RFC5: variants seen among roughly 807,000 people sequenced by gnomAD.
RFC5 encodes the protein A1 36 kDa subunit.
In RFC5, 26 loss-of-function variants were observed where a neutral mutation model predicts 44.3. The ratio of observed to expected loss-of-function variants is 0.59; its 90% CI spans 0.43 to 0.81. The LOEUF (loss-of-function observed/expected upper bound fraction) is 0.81, where lower values mean the gene tolerates loss of function less well. Among genes scored for constraint, RFC5 ranks in the 40% least tolerant of loss-of-function variants. RFC5 has a pLI of 0.00. For missense variants in RFC5, 328 were observed against 418.6 expected, an observed-to-expected ratio of 0.78 and a Z score of 1.89; for synonymous variants, 155 against 155.2, an observed-to-expected ratio of 1.00 and a Z score of 0.01.
chr12:118,026,760 T>C (rs1025596661), intron 7 of RFC5, 129 bp from the exon 8 acceptor site: 4 of 944,640 alleles, frequency 4.2e-6, no homozygotes, highest in Non-Finnish European at 6.4e-6. Context: ...GGGTTCCCAC[T>C]GCCTTGTGCC....
At chr12:118,034,405 T>C, downstream of RFC5, 3 of 1,600,446 alleles carry the variant, frequency 1.9e-6, no homozygotes, top group Middle Eastern at 5.0e-4. Flanking sequence ...TGGATGTTCA[T>C]GTTTTCATGA....
In RFC5 at chr12:118,025,643, C is replaced by T. The variant is rs146434725; in HGVS notation, c.582-104C>T. 216 of 718,582 alleles carry T rather than the reference C, an allele frequency of 3.0e-4. No homozygotes were observed. The East Asian group carries it at 5.4e-3, about 18-fold the overall frequency. 44.5% of individuals were successfully genotyped at this position (718,582 alleles called of 1,614,324 possible). ...ATTATTAACTCTGTTCCTCTCCTTCCTTCATCCCTTTAAAGCCTTAATCAT... is the reference window on the plus strand; with the variant it reads ...ATTATTAACTCTGTTCCTCTCCTTCTTTCATCCCTTTAAAGCCTTAATCAT... On this transcript the variant is annotated intron_variant, in intron 6 of 10. Coordinates refer to ENST00000454402, the MANE Select transcript of RFC5 (RefSeq NM_007370.7).
At chr12:118,026,092 C>A in intron 7 of RFC5, among the ~76,000 whole-genome samples, 1 of 152,072 alleles carries the variant, frequency 6.6e-6, no homozygotes, top group Non-Finnish European at 1.5e-5. Context: ...ATCCATCTGC[C>A]TCAGCTTCCT....
chr12:118,035,100 G>T (rs780105270), downstream of RFC5: 3 of 1,613,750 alleles, frequency 1.9e-6, no homozygotes, highest in Admixed American at 1.7e-5. Context: ...GAGTCTGGAT[G>T]GGGAGAGAGA....
chr12:118,020,640 C>A (rs1433236160), intron 3 of RFC5, among the ~76,000 whole-genome samples: 1 of 152,190 alleles, frequency 6.6e-6, no homozygotes, highest in East Asian at 1.9e-4. Context: ...ACCAGAGGTG[C>A]TGTTCAGTGT....
rs1229066058 is a variant in RFC5, at chr12:118,016,757, G to A, written c.-71G>A. ...TGCCAGGGTCTCAGGGTCAGGTCGC[G>A]GCTGGTCACTGTGCAGGCGCTTGGG... On this transcript the variant is annotated 5_prime_UTR_variant, in exon 1 of 11. Coordinates refer to ENST00000454402, the MANE Select transcript of RFC5 (RefSeq NM_007370.7). 3.0e-6 allele frequency: 4 copies of A among 1,318,460 alleles called. No individual in the cohort carries two copies. The highest frequency in any genetic ancestry group is 2.5e-5 in the East Asian group (1 of 40,092). The allele number at this position is 1,318,460 out of a possible 1,614,324, so 81.7% of individuals were successfully genotyped here. A position where few individuals can be genotyped will look rare whatever the true frequency, so the allele number is the denominator to read the frequency against.
At position 118,019,648 on chromosome 12, in the gene RFC5, T is replaced by C. The variant is rs1178839704; in HGVS notation, c.147T>C (p.Asn49=). 1.2e-6 allele frequency: 2 copies of C among 1,614,088 alleles called. No homozygotes were observed. Among genetic ancestry groups the C allele is most frequent in the East Asian group, 2.2e-5 (1 of 44,882 alleles). ...DILSTIQKFI[N]EDRLPHLLLY... ...GATCCTCAGTTCAGAAGTTTATCAATGAAGACCGACTGCCACACTTGCTTC... is the reference window on the plus strand; with the variant it reads ...GATCCTCAGTTCAGAAGTTTATCAACGAAGACCGACTGCCACACTTGCTTC... The change falls in exon 3 of 11, where the codon AAT becomes AAC. Residue 49 remains asparagine (N), a synonymous_variant. Coordinates refer to ENST00000454402, the MANE Select transcript of RFC5 (RefSeq NM_007370.7). The surrounding 1 kb of genome is among the most constrained non-coding windows in gnomAD (Gnocchi z 4.2).
At chr12:118,017,654 A>G in intron 1 of RFC5, 1 of 1,019,390 alleles carries the variant, frequency 9.8e-7, no homozygotes. Flanking sequence ...TGACAGTTGT[A>G]ACTATTTTAT....
chr12:118,033,633 T>C (rs527439308), downstream of RFC5: 2 of 151,272 alleles, frequency 1.3e-5, no homozygotes, highest in Non-Finnish European at 2.9e-5. Context: ...TTAAGCTAAA[T>C]TAATACCTCA....
intron 9 of RFC5, 104 bp downstream of exon 9, chr12:118,028,134 A>C: frequency 1.4e-6 from 1 of 740,682 alleles, no homozygotes; most frequent in Non-Finnish European, 2.4e-6. Context: ...CAAAGAAACT[A>C]ATGAATTGTA....
intron 8 of RFC5, 122 bp from the exon 9 acceptor site, chr12:118,027,831 A>C (rs1488645271): frequency 4.6e-6 from 3 of 646,302 alleles, no homozygotes; most frequent in Non-Finnish European, 8.4e-6. Flanking sequence ...GTTGAAAGAG[A>C]AACAGTTGTG....
At chr12:118,040,148 A>G in the RFC5 span, among the ~76,000 whole-genome samples, 1 of 152,082 alleles carries the variant, frequency 6.6e-6, no homozygotes, top group African/African-American at 2.4e-5. Context: ...ACTCCAGCCC[A>G]TGCAACACAG....
chr12:118,016,817 G>C lies in RFC5; in HGVS notation c.-11G>C, dbSNP rs779000586. The C allele has an allele frequency of 2.5e-6, 4 of 1,609,750 alleles. No individual in the cohort carries two copies. The highest frequency in any genetic ancestry group is 3.4e-6 in the Non-Finnish European group (4 of 1,178,182). On this transcript the variant is annotated 5_prime_UTR_variant, in exon 1 of 11. Transcript: ENST00000454402. ...GATCTCAGCGGATCTGGTCACCTTC[G>C]TCTCCCCGCCATGGAGACCTCAGCA... is the stretch of plus-strand genomic sequence containing the variant.
chr12:118,030,163 A>T (rs1301502028), intron 10 of RFC5, among the ~76,000 whole-genome samples: 2 of 152,192 alleles, frequency 1.3e-5, no homozygotes. Context: ...GCATTTTGGC[A>T]TACTAAAGCA....
At chr12:118,025,532 T>TA in intron 6 of RFC5, 2 of 484,620 alleles carry the variant, frequency 4.1e-6, no homozygotes, top group Non-Finnish European at 3.7e-6. Context: ...ATTCAGGCTG[T>TA]TCTCGATTTT....
chr12:118,025,959 C>T, intron 7 of RFC5, 131 bp downstream of exon 7: 1 of 609,504 alleles, frequency 1.6e-6, no homozygotes, highest in South Asian at 1.9e-5. Context: ...AGCGAATCTC[C>T]TGCCTCCTGA....
downstream of RFC5, chr12:118,036,427 G>A (rs147050380): frequency 4.0e-5 from 64 of 1,614,210 alleles, no homozygotes; most frequent in East Asian, 1.0e-3. Flanking sequence ...CAGAGTCGGG[G>A]GAGAAGTCAC....
intron 8 of RFC5, 139 bp downstream of exon 8, chr12:118,027,157 T>G: frequency 5.0e-6 from 4 of 794,062 alleles, no homozygotes; most frequent in Non-Finnish European, 6.2e-6. Flanking sequence ...GGGAGTGAGA[T>G]GTCTGTAGGT....
downstream of RFC5, chr12:118,034,574 G>GCTCT (rs368693869): frequency 0.012 from 6,370 of 529,416 alleles, 264 homozygotes; most frequent in African/African-American, 0.11. Context: ...ATACCAAAGC[G>GCTCT]CTCTCTCTGT....
Sources: allele counts gnomAD v4.1 joint callset (sites outside exome capture counted in the v4.1 genomes callset), GRCh38; gene constraint gnomAD v4.1.1; non-coding constraint Gnocchi (gnomAD v3.1); transcripts MANE v1.5; gene names NCBI Gene and HGNC (gene_info 2026-07-23, HGNC 2026-07-21).